KCNN2: variants seen among roughly 807,000 people sequenced by gnomAD.
KCNN2 encodes the protein small conductance calcium-activated potassium channel protein 2.
A neutral mutation model predicts 55.5 loss-of-function variants in KCNN2; 24 were observed. The ratio of observed to expected loss-of-function variants is 0.43; its 90% confidence interval spans 0.31 to 0.61. KCNN2 has a LOEUF of 0.61. Among genes scored for constraint, KCNN2 ranks in the 20% least tolerant of loss-of-function variants. The pLI is 0.08. For synonymous variants in KCNN2, 431 were observed against 336.1 expected (o/e 1.28, Z -3.09); for missense variants, 754 against 853.6 (o/e 0.88, Z 1.45).
At chr5:114,080,716 A>G (rs1012140173) in intron 1 of KCNN2, among the ~76,000 whole-genome samples, 1 of 152,208 alleles carries the variant, frequency 6.6e-6, no homozygotes, top group African/African-American at 2.4e-5. Context: ...AAAAACCAAT[A>G]GTGAACATGA....
chr5:114,355,063 A>G (rs1263663619), intron 2 of KCNN2, among the ~76,000 whole-genome samples: 1 of 152,172 alleles, frequency 6.6e-6, no homozygotes, highest in African/African-American at 2.4e-5. Flanking sequence ...AATTTAACTT[A>G]GCAAATTGTG....
intron 2 of KCNN2, among the ~76,000 whole-genome samples, chr5:114,336,186 G>A (rs1251874577): frequency 6.6e-6 from 1 of 152,094 alleles, no homozygotes; most frequent in Non-Finnish European, 1.5e-5. Flanking sequence ...TTTAAACACA[G>A]GACTACAAGA....
Position 114,426,439 on chromosome 5 carries a change from G to T in KCNN2, c.1637+21583G>T, listed in dbSNP as rs186844989. On this transcript the variant is annotated intron_variant, in intron 3 of 7. Coordinates refer to ENST00000673685, the MANE Select transcript of KCNN2 (RefSeq NM_021614.4). The stretch of plus-strand genomic sequence containing the variant: ...TTTTTTAAAATCCATATTCATAAAA[G>T]ATACTGGTCTATAGTTTTTTTCTGA... Among the ~76,000 whole-genome samples the T allele has an allele frequency of 3.1e-3, 469 of 152,266 alleles. 5 individuals carry two copies. Among genetic ancestry groups the T allele is most frequent in the Non-Finnish European group, 6.5e-4 (44 of 68,014 alleles).
chr5:114,097,449 A>T (rs771132179), intron 1 of KCNN2, among the ~76,000 whole-genome samples: 1 of 152,178 alleles, frequency 6.6e-6, no homozygotes, highest in South Asian at 2.1e-4. Flanking sequence ...TATGTTTAGC[A>T]TTCATTCCTA....
At chr5:114,145,795 G>A (rs1052586845) in intron 1 of KCNN2, among the ~76,000 whole-genome samples, 2 of 152,164 alleles carry the variant, frequency 1.3e-5, no homozygotes, top group Non-Finnish European at 2.9e-5. Context: ...GTGACACAGG[G>A]TAGAAGGATC....
At chr5:114,467,554 T>TTAAG (rs549689077) in intron 4 of KCNN2, among the ~76,000 whole-genome samples, 118 of 152,244 alleles carry the variant, frequency 7.8e-4, no homozygotes, top group Non-Finnish European at 1.2e-3. Flanking sequence ...GAGTATATCT[T>TTAAG]TAAGTTCTTA....
chr5:114,447,654 A>G lies in KCNN2; in HGVS notation c.1638-15395A>G, dbSNP rs529499311. 5.9e-5 allele frequency among the ~76,000 whole-genome samples: 9 copies of G among 152,230 alleles called. No homozygotes were observed. The South Asian group carries it at 1.0e-3, about 18-fold the overall frequency. On this transcript the variant is annotated intron_variant, in intron 3 of 7. Transcript: ENST00000673685. ...GCTTCCCTTTGCAGTATTCCATCCTATTGATTCCTGCATTACCTATGGGGA... is the reference window on the plus strand; with the variant it reads ...GCTTCCCTTTGCAGTATTCCATCCTGTTGATTCCTGCATTACCTATGGGGA...
intron 2 of KCNN2, among the ~76,000 whole-genome samples, chr5:114,241,556 G>T (rs1284054812): frequency 1.3e-5 from 2 of 150,736 alleles, no homozygotes; most frequent in Non-Finnish European, 3.0e-5. Flanking sequence ...CCTTTTAAAG[G>T]ACAATTTATT....
At chr5:114,299,586 A>G (rs1299778734) in intron 2 of KCNN2, among the ~76,000 whole-genome samples, 2 of 152,198 alleles carry the variant, frequency 1.3e-5, no homozygotes, top group Non-Finnish European at 2.9e-5. Context: ...TCCTCTGGAA[A>G]GGATGTAACA....
intron 2 of KCNN2, among the ~76,000 whole-genome samples, chr5:114,328,756 C>T (rs996012538): frequency 3.9e-5 from 6 of 152,276 alleles, no homozygotes; most frequent in Non-Finnish European, 7.3e-5. Flanking sequence ...TCCTCACTCC[C>T]ACAACTCATC....
intron 1 of KCNN2, among the ~76,000 whole-genome samples, chr5:114,067,828 C>A (rs1372139325): frequency 6.6e-6 from 1 of 152,190 alleles, no homozygotes; most frequent in Non-Finnish European, 1.5e-5. Flanking sequence ...TGTTAGCCTT[C>A]ACTTGCATAA....
At chr5:114,098,825 G>A (rs926497396) in intron 1 of KCNN2, among the ~76,000 whole-genome samples, 1 of 152,030 alleles carries the variant, frequency 6.6e-6, no homozygotes, top group Non-Finnish European at 1.5e-5. Flanking sequence ...ATTTATGGGG[G>A]TACCAGTGGC....
At position 114,136,529 on chromosome 5, in the gene KCNN2, T is replaced by C. The variant is rs543037408; in HGVS notation, c.-271+80029T>C. 1.6e-4 allele frequency among the ~76,000 whole-genome samples: 24 copies of C among 152,328 alleles called. No homozygotes were observed. The South Asian group carries it at 5.0e-3, about 32-fold the overall frequency. On this transcript the variant is annotated intron_variant, in intron 1 of 10. Transcript: ENST00000512097. ...CCAAAAGAAATGGCTCAAAGATGGA[T>C]AGGCAGTTCATGCTGGACAGTGGAA...
intron 3 of KCNN2, among the ~76,000 whole-genome samples, chr5:114,461,609 T>TTGTA (rs1761199267): frequency 1.3e-5 from 2 of 152,182 alleles, no homozygotes; most frequent in Non-Finnish European, 2.9e-5. Flanking sequence ...AATGGGTCTC[T>TTGTA]TGTATGTCCA....
chr5:114,060,319 T>A (rs1191330459), intron 1 of KCNN2, among the ~76,000 whole-genome samples: 2 of 152,246 alleles, frequency 1.3e-5, no homozygotes, highest in Non-Finnish European at 2.9e-5. Flanking sequence ...CTCCACCCTC[T>A]CGTTGCAGTT....
rs1756360738 is a variant in KCNN2 at position 114,309,751 on chromosome 5, A to G, written c.-184-51194A>G. Among the ~76,000 whole-genome samples the G allele has an allele frequency of 2.0e-5, 3 of 152,182 alleles. No individual in the cohort carries two copies. In the South Asian group the frequency reaches 6.2e-4, roughly 31 times the overall value. ...ACACACAGACAGGTGTAATATGAGT[A>G]TGATGAATGCCATAGTGGAGTGCAA... On this transcript the variant is annotated intron_variant, in intron 2 of 10. Coordinates refer to the KCNN2 transcript ENST00000512097.
intron 1 of KCNN2, among the ~76,000 whole-genome samples, chr5:114,084,639 C>T (rs1029690552): frequency 2.6e-5 from 4 of 151,996 alleles, no homozygotes; most frequent in African/African-American, 7.2e-5. Context: ...TTAACAATGT[C>T]ATTCACAGAG....
At chr5:114,123,480 A>C (rs1488537845) in intron 1 of KCNN2, among the ~76,000 whole-genome samples, 2 of 110,496 alleles carry the variant, frequency 1.8e-5, no homozygotes, top group Non-Finnish European at 3.6e-5. Context: ...CTCCTGTCTC[A>C]GCCTCCCGCG....
chr5:114,249,556 G>A (rs993243858), intron 2 of KCNN2, among the ~76,000 whole-genome samples: 8 of 151,806 alleles, frequency 5.3e-5, no homozygotes, highest in Admixed American at 4.6e-4. Flanking sequence ...CAAAGTGCTG[G>A]GGTTACAGGC....
Sources: allele counts gnomAD v4.1 joint callset (sites outside exome capture counted in the v4.1 genomes callset), GRCh38; gene constraint gnomAD v4.1.1; transcripts MANE v1.5; gene names NCBI Gene and HGNC (gene_info 2026-07-23, HGNC 2026-07-21).